CPS1: variants seen among roughly 807,000 people sequenced by gnomAD.
CPS1 encodes the protein carbamoyl-phosphate synthase [ammonia], mitochondrial.
Under a neutral mutation model 174.6 loss-of-function variants are expected in CPS1, and 109 were observed. That is an observed-to-expected ratio of 0.62 (90% confidence interval 0.53 to 0.73). The LOEUF (loss-of-function observed/expected upper bound fraction) is 0.73. CPS1 is among the 30% of genes least tolerant of loss of function. The pLI is 0.00. For synonymous variants in CPS1, 637 were observed against 632.0 expected, an observed-to-expected ratio of 1.01 and a Z score of -0.12; for missense variants, 1,689 against 1,821.9, an observed-to-expected ratio of 0.93 and a Z score of 1.33.
upstream of CPS1, among the ~76,000 whole-genome samples, chr2:210,554,084 T>C (rs1274442241): frequency 2.7e-5 from 4 of 146,650 alleles, no homozygotes; most frequent in Non-Finnish European, 4.5e-5. Flanking sequence ...TATACATACA[T>C]ATGTATATGT....
intron 21 of CPS1, among the ~76,000 whole-genome samples, chr2:210,624,546 T>A (rs913749698): frequency 1.3e-5 from 2 of 152,074 alleles, no homozygotes; most frequent in African/African-American, 4.8e-5. Context: ...AAAATACATT[T>A]TATTTTTAAT....
intron 1 of CPS1, among the ~76,000 whole-genome samples, chr2:210,558,165 A>G (rs1487274928): frequency 3.9e-5 from 6 of 152,042 alleles, no homozygotes; most frequent in Admixed American, 2.0e-4. Context: ...AGTATAGGAA[A>G]TTACCATTTT....
chr2:210,562,625 T>A (rs958909321), intron 1 of CPS1, among the ~76,000 whole-genome samples: 3 of 152,296 alleles, frequency 2.0e-5, no homozygotes, highest in Admixed American at 2.0e-4. Context: ...TCAGATTTAT[T>A]TTTTAAGAGG....
At chr2:210,486,802 G>A (rs1043916041) in intron 1 of CPS1, among the ~76,000 whole-genome samples, 6 of 152,122 alleles carry the variant, frequency 3.9e-5, no homozygotes, top group African/African-American at 9.7e-5. Context: ...GAGCCACTGC[G>A]CCCAGCTAGC....
chr2:210,559,143 A>G (rs1415634877), intron 1 of CPS1, among the ~76,000 whole-genome samples: 1 of 152,124 alleles, frequency 6.6e-6, no homozygotes, highest in Non-Finnish European at 1.5e-5. Context: ...CTATTTTTAG[A>G]TGGACATCAT....
At chr2:210,617,384 GA>G (rs1559109499) in intron 21 of CPS1, among the ~76,000 whole-genome samples, 1 of 151,992 alleles carries the variant, frequency 6.6e-6, no homozygotes, top group African/African-American at 2.4e-5. Flanking sequence ...TGTGTTTAGA[GA>G]AGGAAAAATT....
intron 1 of CPS1, among the ~76,000 whole-genome samples, chr2:210,514,281 C>G (rs1375648193): frequency 6.6e-6 from 1 of 151,856 alleles, no homozygotes; most frequent in Admixed American, 6.6e-5. Context: ...GGAAGTGTGG[C>G]CATTTTAATA....
chr2:210,576,440 G>A lies in CPS1; in HGVS notation c.331G>A (p.Ala111Thr). 6.2e-7 allele frequency: 1 copy of A among 1,613,700 alleles called. No homozygotes were observed. Among genetic ancestry groups the A allele is most frequent in the South Asian group, 1.1e-5 (1 of 91,072 alleles). Reference sequence around the variant, plus strand: ...GAATGGTGGAGCTCCTGATACTACTGCTCTGGATGAACTGGGACTTAGCAA... The same window carrying A: ...GAATGGTGGAGCTCCTGATACTACTACTCTGGATGAACTGGGACTTAGCAA... The part of the protein sequence containing the change: ...IGNGGAPDTT[A>T]LDELGLSKYL... The change falls in exon 3 of 38, where the codon GCT (alanine) becomes ACT (threonine). Residue 111 changes from alanine to threonine, a missense_variant. By Grantham distance (58) the Ala-to-Thr change is moderately conservative. Transcript: ENST00000233072.
At chr2:210,514,484 C>A (rs1695618246) in intron 1 of CPS1, among the ~76,000 whole-genome samples, 1 of 151,326 alleles carries the variant, frequency 6.6e-6, no homozygotes, top group South Asian at 2.1e-4. Flanking sequence ...TCAGCTTGAA[C>A]ATTATTGGTA....
intron 2 of CPS1, among the ~76,000 whole-genome samples, chr2:210,574,938 T>C (rs1697636658): frequency 6.6e-6 from 1 of 152,088 alleles, no homozygotes; most frequent in Non-Finnish European, 1.5e-5. Flanking sequence ...CTATTTTCCA[T>C]TGAGAAATGC....
At chr2:210,617,119 T>G in intron 21 of CPS1, among the ~76,000 whole-genome samples, 1 of 152,050 alleles carries the variant, frequency 6.6e-6, no homozygotes, top group East Asian at 1.9e-4. Context: ...TGGCCAATTA[T>G]TTTTAAACTT....
Position 210,594,599 on chromosome 2 carries a change from G to A in CPS1, c.1256G>A (p.Arg419Gln), listed in dbSNP as rs774826735. 2.4e-5 allele frequency: 39 copies of A among 1,609,316 alleles called. No homozygotes were observed. Among genetic ancestry groups the A allele is most frequent in the Non-Finnish European group, 3.1e-5 (37 of 1,176,742 alleles). The change falls in exon 12 of 38, where the codon CGG becomes CAG. Residue 419 changes from arginine to glutamine, a missense_variant. By Grantham distance (43) the Arg-to-Gln change is conservative (BLOSUM62 1). Transcript: ENST00000233072. ...CCGAAGCCAGCACTAGTTGCATCTCGGGTTGAGGTCAGTATGTGGGCTTAT... is the reference window on the plus strand; with the variant it reads ...CCGAAGCCAGCACTAGTTGCATCTCAGGTTGAGGTCAGTATGTGGGCTTAT... Reference protein sequence around the residue: ...VLPKPALVASRVEVSKVLILG... With the variant: ...VLPKPALVASQVEVSKVLILG...
rs1483512953 is a variant in CPS1 at position 210,501,213 on chromosome 2, A to G, written c.3+23447A>G. 3.9e-5 allele frequency among the ~76,000 whole-genome samples: 6 copies of G among 152,250 alleles called. No individual in the cohort carries two copies. In the East Asian group the frequency reaches 7.8e-4, roughly 20 times the overall value. ...ATTTTCCTCCCAGGCCTCTGGGCCT[A>G]TAATGGGAGGGGCTGCCATGAAGGT... is the stretch of plus-strand genomic sequence containing the variant. On this transcript the variant is annotated intron_variant, in intron 1 of 38. Transcript: ENST00000430249.
chr2:210,499,205 A>G (rs533388621), intron 1 of CPS1, among the ~76,000 whole-genome samples: 9 of 152,224 alleles, frequency 5.9e-5, no homozygotes, highest in Admixed American at 2.0e-4. Context: ...TTGCTAGTCA[A>G]TGTCACCAGG....
At chr2:210,640,856 C>A (rs1700200181) in intron 24 of CPS1, among the ~76,000 whole-genome samples, 1 of 152,150 alleles carries the variant, frequency 6.6e-6, no homozygotes, top group African/African-American at 2.4e-5. Context: ...AATGTTATAT[C>A]TTTACCACCT....
At chr2:210,642,801 G>A (rs1167129331) in intron 25 of CPS1, 136 bp downstream of exon 25, 8 of 801,490 alleles carry the variant, frequency 1.0e-5, no homozygotes, top group Non-Finnish European at 1.6e-5. Flanking sequence ...GGCATCCATT[G>A]TCTTATTTTG....
chr2:210,593,962 T>C (rs1364162564), intron 11 of CPS1, among the ~76,000 whole-genome samples: 1 of 151,924 alleles, frequency 6.6e-6, no homozygotes, highest in African/African-American at 2.4e-5. Flanking sequence ...TAAGATGTAA[T>C]AATATCCACT....
At chr2:210,548,369 A>T (rs1696619266) in intron 1 of CPS1, among the ~76,000 whole-genome samples, 1 of 152,062 alleles carries the variant, frequency 6.6e-6, no homozygotes, top group Non-Finnish European at 1.5e-5. Flanking sequence ...AGTTTACAAG[A>T]TGTTCAAGAA....
chr2:210,526,855 C>T (rs1240992460), intron 1 of CPS1, among the ~76,000 whole-genome samples: 2 of 151,898 alleles, frequency 1.3e-5, no homozygotes, highest in Non-Finnish European at 2.9e-5. Context: ...AAAACAGATA[C>T]CAATGATACA....
Sources: gnomAD v4.1 joint callset for allele counts (sites outside exome capture counted in the v4.1 genomes callset) on GRCh38, gnomAD v4.1.1 for gene constraint, MANE v1.5 for transcripts, NCBI Gene and HGNC (gene_info 2026-07-23, HGNC 2026-07-21) for gene names.